Variants in DPP6 observed in about 807,000 individuals in gnomAD.
DPP6 encodes the protein A-type potassium channel modulatory protein DPP6.
DPP6 carries 69 observed loss-of-function variants against 122.6 expected under a neutral mutation model. The ratio of observed to expected loss-of-function variants is 0.56; its 90% CI spans 0.46 to 0.69. DPP6 has a LOEUF of 0.69. DPP6 is among the 30% of genes least tolerant of loss of function. DPP6 has a pLI of 0.00. For missense variants in DPP6, 928 were observed against 1,116.9 expected, an observed-to-expected ratio of 0.83 and a Z score of 2.41; for synonymous variants, 418 against 433.1, an observed-to-expected ratio of 0.97 and a Z score of 0.43.
the DPP6 span, among the ~76,000 whole-genome samples, chr7:153,881,659 C>T: frequency 6.6e-6 from 1 of 152,128 alleles, no homozygotes; most frequent in Admixed American, 6.5e-5. Flanking sequence ...TTTTGTAGGA[C>T]ACGGCTCACA....
the DPP6 span, among the ~76,000 whole-genome samples, chr7:153,786,739 A>AG: frequency 8.3e-6 from 1 of 120,040 alleles, no homozygotes; most frequent in African/African-American, 3.4e-5. Flanking sequence ...ACTCCGTCTC[A>AG]GAAAAAAAAA....
chr7:154,006,425 G>A (rs1797915055), intron 1 of DPP6, among the ~76,000 whole-genome samples: 2 of 152,056 alleles, frequency 1.3e-5, no homozygotes, highest in Non-Finnish European at 1.5e-5. Context: ...GTTATCCATG[G>A]TTCTTTGTAG....
intron 1 of DPP6, among the ~76,000 whole-genome samples, chr7:154,082,343 TA>T (rs1804076543): frequency 6.6e-6 from 1 of 152,126 alleles, no homozygotes; most frequent in African/African-American, 2.4e-5. Context: ...CATCCTAATT[TA>T]TAGAGGAGAA....
At chr7:153,930,435 G>C (rs1025302275) in intron 1 of DPP6, among the ~76,000 whole-genome samples, 1 of 152,094 alleles carries the variant, frequency 6.6e-6, no homozygotes, top group Admixed American at 6.5e-5. Flanking sequence ...AGCAGGATAT[G>C]GCTCCTATTG....
intron 1 of DPP6, among the ~76,000 whole-genome samples, chr7:154,306,358 C>G (rs1292269228): frequency 6.6e-6 from 1 of 152,220 alleles, no homozygotes; most frequent in East Asian, 1.9e-4. Flanking sequence ...GGGTTCTTGT[C>G]TTTTAATCAT....
At chr7:153,886,111 T>TCACACA (rs1491237878), upstream of DPP6, among the ~76,000 whole-genome samples, 1 of 75,522 alleles carries the variant, frequency 1.3e-5, no homozygotes, top group Non-Finnish European at 2.7e-5. Context: ...TGGCACGCCC[T>TCACACA]TACACACACA....
intron 1 of DPP6, among the ~76,000 whole-genome samples, chr7:154,260,417 A>T (rs1223990598): frequency 3.3e-5 from 5 of 151,988 alleles, no homozygotes; most frequent in African/African-American, 1.2e-4. Context: ...ACTGCACTCA[A>T]TTTATAGTCT....
intron 3 of DPP6, among the ~76,000 whole-genome samples, chr7:154,507,005 G>C (rs1825716935): frequency 6.6e-6 from 1 of 152,186 alleles, no homozygotes; most frequent in Non-Finnish European, 1.5e-5. Flanking sequence ...CTGGGTCACT[G>C]TGAGTTTGCC....
At chr7:154,662,160 G>A (rs1478566738) in intron 6 of DPP6, among the ~76,000 whole-genome samples, 2 of 151,068 alleles carry the variant, frequency 1.3e-5, no homozygotes, top group African/African-American at 4.9e-5. Context: ...TGGCATATTG[G>A]CCGTAGTGTT....
At chr7:154,866,534 G>A (rs1803891577) in intron 17 of DPP6, among the ~76,000 whole-genome samples, 1 of 152,308 alleles carries the variant, frequency 6.6e-6, no homozygotes, top group South Asian at 2.1e-4. Context: ...AGTCTACTTG[G>A]ACTTCCCTTG....
upstream of DPP6, among the ~76,000 whole-genome samples, chr7:154,051,658 G>C (rs570357996): frequency 6.6e-6 from 1 of 150,636 alleles, no homozygotes; most frequent in South Asian, 2.1e-4. Flanking sequence ...GGCAGCCGGA[G>C]AGCCGAGCCT....
intron 1 of DPP6, among the ~76,000 whole-genome samples, chr7:154,269,663 A>G (rs1803663851): frequency 1.3e-5 from 2 of 152,178 alleles, no homozygotes; most frequent in Admixed American, 1.3e-4. Context: ...TTTTCTGTAA[A>G]AGGATGAATT....
chr7:154,539,493 G>C (rs950453572), intron 3 of DPP6, among the ~76,000 whole-genome samples: 4 of 152,070 alleles, frequency 2.6e-5, no homozygotes, highest in African/African-American at 9.7e-5. Context: ...ACGGTGGGGG[G>C]CAGGGGGAGG....
intron 8 of DPP6, among the ~76,000 whole-genome samples, chr7:154,746,055 A>G (rs146317349): frequency 6.6e-6 from 1 of 152,306 alleles, no homozygotes; most frequent in Non-Finnish European, 1.5e-5. Flanking sequence ...CTCATTTATC[A>G]AGGAAAGAAG....
intron 7 of DPP6, among the ~76,000 whole-genome samples, chr7:154,688,386 G>T (rs528871209): frequency 6.6e-6 from 1 of 152,132 alleles, no homozygotes; most frequent in Non-Finnish European, 1.5e-5. Context: ...AAAACAGCTT[G>T]CAAAGCTGGT....
At chr7:154,510,955 C>T (rs973964183) in intron 3 of DPP6, among the ~76,000 whole-genome samples, 1 of 151,216 alleles carries the variant, frequency 6.6e-6, no homozygotes, top group African/African-American at 2.4e-5. Context: ...CACACACACA[C>T]ACACACACAC....
chr7:154,769,680 A>C (rs569168656), intron 9 of DPP6, 109 bp downstream of exon 9: 583 of 1,328,292 alleles, frequency 4.4e-4, no homozygotes, highest in South Asian at 6.9e-4. Flanking sequence ...TGAGCAAAGC[A>C]GTTAACACAA....
Position 154,481,329 on chromosome 7 carries a change from GGA to G in DPP6, c.457+6306_457+6307del, listed in dbSNP as rs202125110. On this transcript the variant is annotated intron_variant, in intron 3 of 25. Coordinates refer to ENST00000377770, the MANE Select transcript of DPP6 (RefSeq NM_130797.4). This position sits in a 1 kb window ranked among gnomAD's most constrained non-coding sequence, Gnocchi z 4.2. ...AAATGCTCTTCCGAGCTATACACTTGGAGAGAGAGAGAGAGGGGTGTGTGTGT... is the reference window on the plus strand; with the variant it reads ...AAATGCTCTTCCGAGCTATACACTTGGAGAGAGAGAGAGGGGTGTGTGTGT... 3.4e-4 allele frequency among the ~76,000 whole-genome samples: 48 copies of G among 141,002 alleles called. No homozygotes were observed. The highest frequency in any genetic ancestry group is 1.2e-3 in the African/African-American group (45 of 36,072). The allele number at this position is 141,002 out of a possible 152,430, so 92.5% of individuals were successfully genotyped here.
intron 1 of DPP6, among the ~76,000 whole-genome samples, chr7:154,029,657 T>C (rs1331862594): frequency 1.4e-5 from 2 of 147,198 alleles, no homozygotes; most frequent in East Asian, 2.1e-4. Flanking sequence ...CCATCCTGGC[T>C]AACATGGTGA....
Sources: allele counts gnomAD v4.1 joint callset (sites outside exome capture counted in the v4.1 genomes callset), GRCh38; gene constraint gnomAD v4.1.1; non-coding constraint Gnocchi (gnomAD v3.1); transcripts MANE v1.5; gene names NCBI Gene and HGNC (gene_info 2026-07-23, HGNC 2026-07-21).